SLC35F4: variants seen among roughly 807,000 people sequenced by gnomAD.
SLC35F4 encodes chromosome 14 open reading frame 36.
In SLC35F4, 24 loss-of-function variants were observed where a neutral mutation model predicts 44.2. That is an observed-to-expected ratio of 0.54 (90% CI 0.39 to 0.76). The LOEUF is 0.76. SLC35F4 is among the 30% of genes least tolerant of loss of function. The pLI is 0.00. For synonymous variants in SLC35F4, 238 were observed against 223.6 expected (o/e 1.06, Z -0.57); for missense variants, 562 against 586.1 (o/e 0.96, Z 0.42).
chr14:57,959,828 T>G (rs1434173542), intron 1 of SLC35F4, among the ~76,000 whole-genome samples: 1 of 152,200 alleles, frequency 6.6e-6, no homozygotes, highest in Non-Finnish European at 1.5e-5. Flanking sequence ...TCAGTTACAA[T>G]TGCTATGGTT....
At chr14:57,864,185 A>C (rs1887924155) in intron 1 of SLC35F4, among the ~76,000 whole-genome samples, 2 of 152,188 alleles carry the variant, frequency 1.3e-5, no homozygotes, top group African/African-American at 4.8e-5. Context: ...TTCCTAATTA[A>C]AATATTCAAA....
Position 57,760,767 on chromosome 14 carries a change from C to G in SLC35F4, c.103+104956G>C, listed in dbSNP as rs537205637. ...CCTTAAATTATGAGTTTTTTTCTGT[C>G]CTGCTGGTGTGAATAAGCATTATTT... On this transcript the variant is annotated intron_variant, in intron 1 of 7. Coordinates refer to ENST00000556826, the MANE Select transcript of SLC35F4 (RefSeq NM_001306087.2). Among the ~76,000 whole-genome samples, 3 of 152,196 alleles carry G rather than the reference C, an allele frequency of 2.0e-5. No homozygotes were observed. In the South Asian group the frequency reaches 6.2e-4, roughly 32 times the overall value.
intron 1 of SLC35F4, among the ~76,000 whole-genome samples, chr14:57,678,340 C>A (rs375419814): frequency 1.3e-5 from 2 of 151,980 alleles, no homozygotes; most frequent in Non-Finnish European, 2.9e-5. Flanking sequence ...TTGTCACCAC[C>A]AGGCCTGCCT....
intron 1 of SLC35F4, among the ~76,000 whole-genome samples, chr14:57,952,976 C>T (rs560592396): frequency 6.6e-6 from 1 of 151,954 alleles, no homozygotes; most frequent in South Asian, 2.1e-4. Context: ...AACCCAAAGA[C>T]ACATGATCAT....
intron 1 of SLC35F4, among the ~76,000 whole-genome samples, chr14:57,758,057 TAAA>T (rs1322671622): frequency 6.6e-6 from 1 of 151,196 alleles, no homozygotes; most frequent in African/African-American, 2.4e-5. Flanking sequence ...TTAATACTTT[TAAA>T]AACGTTGCAC....
intron 4 of SLC35F4, among the ~76,000 whole-genome samples, chr14:57,572,479 C>G (rs1218427189): frequency 6.6e-6 from 1 of 151,996 alleles, no homozygotes; most frequent in African/African-American, 2.4e-5. Context: ...TAATCAGGAC[C>G]TGATTAGAGA....
intron 1 of SLC35F4, among the ~76,000 whole-genome samples, chr14:57,632,920 C>A (rs187772441): frequency 1.2e-4 from 19 of 152,078 alleles, no homozygotes; most frequent in Non-Finnish European, 7.4e-5. Flanking sequence ...TCTATGACAA[C>A]CACTCATCTT....
At chr14:57,854,479 A>T (rs927249) in intron 1 of SLC35F4, among the ~76,000 whole-genome samples, 2 of 152,158 alleles carry the variant, frequency 1.3e-5, no homozygotes, top group Non-Finnish European at 2.9e-5. Context: ...CACTCCATGT[A>T]TGAAAGGAAC....
At chr14:57,758,000 CAT>C (rs1491255479) in intron 1 of SLC35F4, among the ~76,000 whole-genome samples, 122 of 96,010 alleles carry the variant, frequency 1.3e-3, no homozygotes, top group African/African-American at 4.0e-3. Context: ...ATTATAGGTT[CAT>C]GTGTGTGTGT....
intron 1 of SLC35F4, among the ~76,000 whole-genome samples, chr14:57,876,096 A>T (rs186341571): frequency 3.9e-5 from 6 of 152,326 alleles, no homozygotes; most frequent in Middle Eastern, 3.4e-3. Context: ...ATGACATGTA[A>T]TTCCAAACCT....
chr14:57,948,648 A>G (rs981749012), intron 1 of SLC35F4, among the ~76,000 whole-genome samples: 1 of 151,852 alleles, frequency 6.6e-6, no homozygotes, highest in African/African-American at 2.4e-5. Flanking sequence ...TTGCTCTGTC[A>G]GACTTTTTGA....
At chr14:57,964,989 A>ATATATATAT (rs1351434287) in intron 1 of SLC35F4, among the ~76,000 whole-genome samples, 8 of 127,902 alleles carry the variant, frequency 6.3e-5, no homozygotes, top group East Asian at 4.5e-4. Context: ...AAAAAAAAAA[A>ATATATATAT]AAATATATAT....
At chr14:57,768,373 G>A (rs2077282711) in intron 1 of SLC35F4, among the ~76,000 whole-genome samples, 1 of 152,180 alleles carries the variant, frequency 6.6e-6, no homozygotes, top group Admixed American at 6.5e-5. Flanking sequence ...TCCCTTTTTA[G>A]TCAAAGAGGT....
intron 1 of SLC35F4, among the ~76,000 whole-genome samples, chr14:57,937,137 G>A (rs7145985): frequency 0.074 from 11,111 of 149,600 alleles, 472 homozygotes; most frequent in Middle Eastern, 0.14. Context: ...GCGCTATCTC[G>A]GCTCACGGCA....
rs549143859 is a variant in SLC35F4, at chr14:57,927,470, T to G, written n.282+54443A>C. On this transcript the variant is annotated intron_variant and non_coding_transcript_variant, in intron 1 of 1. Transcript: ENST00000556568. ...TCTGAGTGACTAGGTGGTTTGAGTT[T>G]TTTTTTTTTAATTACTTTTCTTCTT... Among the ~76,000 whole-genome samples the G allele has an allele frequency of 1.1e-4, 17 of 151,618 alleles. No homozygotes were observed. In the South Asian group the frequency reaches 3.1e-3, roughly 28 times the overall value.
intron 1 of SLC35F4, among the ~76,000 whole-genome samples, chr14:57,874,676 TTCTAACTGCTCCTTATGTGCAATCAAA>T (rs973871586): frequency 2.6e-5 from 4 of 152,122 alleles, no homozygotes; most frequent in Non-Finnish European, 4.4e-5. Context: ...CTATGTGGCT[TTCTAACTGCTCCTTATGTGCAATCAAA>T]TCAAATCTAC....
At chr14:57,669,613 G>T (rs2074443919) in intron 1 of SLC35F4, among the ~76,000 whole-genome samples, 2 of 152,098 alleles carry the variant, frequency 1.3e-5, no homozygotes, top group Non-Finnish European at 2.9e-5. Context: ...CATTGGTTCT[G>T]TTTATATGCT....
At chr14:57,928,048 C>A (rs1318648801) in intron 1 of SLC35F4, among the ~76,000 whole-genome samples, 7 of 150,792 alleles carry the variant, frequency 4.6e-5, no homozygotes, top group African/African-American at 1.7e-4. Context: ...TCTGGTGTAA[C>A]ACCACAGAAG....
intron 1 of SLC35F4, among the ~76,000 whole-genome samples, chr14:57,648,854 G>C (rs1038395459): frequency 1.3e-5 from 2 of 152,154 alleles, no homozygotes; most frequent in African/African-American, 4.8e-5. Context: ...ACTTATACTA[G>C]AAATGATTTA....
Sources: gnomAD v4.1 joint callset for allele counts (sites outside exome capture counted in the v4.1 genomes callset) on GRCh38, gnomAD v4.1.1 for gene constraint, MANE v1.5 for transcripts, NCBI Gene and HGNC (gene_info 2026-07-23, HGNC 2026-07-21) for gene names.